EPHA1: variants seen among roughly 807,000 people sequenced by gnomAD.
The protein encoded by EPHA1 is EPH receptor A1, also known as ephrin type-A receptor 1.
In EPHA1, 92 loss-of-function variants were observed where a neutral mutation model predicts 110.1. The observed-to-expected ratio is 0.84, with a 90% CI of 0.71 to 0.99. The LOEUF (loss-of-function observed/expected upper bound fraction) is 0.99, where lower values mean the gene tolerates loss of function less well. EPHA1 is among the 50% of genes least tolerant of loss of function. The probability of loss-of-function intolerance (pLI) is 0.00; values close to 1 mark genes in which losing one functional copy is unlikely to be tolerated. For missense variants in EPHA1, 1,204 were observed against 1,285.4 expected (o/e 0.94, Z 0.97); for synonymous variants, 500 against 516.1 (o/e 0.97, Z 0.42).
chr7:143,402,771 C>G (rs969656020), intron 2 of EPHA1, among the ~76,000 whole-genome samples: 2 of 152,176 alleles, frequency 1.3e-5, no homozygotes, highest in African/African-American at 4.8e-5. Context: ...CTATGAGAGG[C>G]AGAGCTGGGA....
At chr7:143,396,003 C>G (rs1805234239) in intron 11 of EPHA1, among the ~76,000 whole-genome samples, 1 of 152,228 alleles carries the variant, frequency 6.6e-6, no homozygotes, top group Non-Finnish European at 1.5e-5. Flanking sequence ...GACACTGGGC[C>G]TCTGATGGGG....
chr7:143,391,455 G>C lies in EPHA1; in HGVS notation c.*2C>G. 1 of 1,614,064 alleles carries C rather than the reference G, an allele frequency of 6.2e-7. No homozygotes were observed. The highest frequency in any genetic ancestry group is 1.1e-5 in the South Asian group (1 of 91,052). ...TGATTGGGCATGGGGTGAGAGGAGG[G>C]ATCAGTCCTTGAATCCCTGAATACT... is the stretch of plus-strand genomic sequence containing the variant. On this transcript the variant is annotated 3_prime_UTR_variant, in exon 18 of 18. Coordinates refer to ENST00000275815, the MANE Select transcript of EPHA1 (RefSeq NM_005232.5).
chr7:143,396,365 C>A lies in EPHA1; in HGVS notation c.1897+20G>T. 6.2e-7 allele frequency: 1 copy of A among 1,606,592 alleles called. No homozygotes were observed. The highest frequency in any genetic ancestry group is 1.1e-5 in the South Asian group (1 of 90,404). On this transcript the variant is annotated intron_variant, in intron 11 of 17. Transcript: ENST00000275815. ...GCCCCACATGGCGGGGGGCCTGCTG[C>A]GGTGCACAGCAGGACTCACCTTCTC...
rs144736263 is a variant in EPHA1, at chr7:143,398,855, C to T, written c.1082G>A (p.Arg361His). The change falls in exon 6 of 18, where the codon CGC (arginine) becomes CAC (histidine). Residue 361 changes from arginine to histidine, a missense_variant. By Grantham distance (29) the Arg-to-His change is conservative. Coordinates refer to ENST00000275815, the MANE Select transcript of EPHA1 (RefSeq NM_005232.5). ...RWEPPADTGG[R>H]QDVRYSVRCS... The stretch of plus-strand genomic sequence containing the variant: ...CCTCACACTGTATCTGACATCCTGG[C>T]GTCCCCCCGTATCTGCTGGGGGTTC... 10 of 1,613,236 alleles carry T rather than the reference C, an allele frequency of 6.2e-6. No individual in the cohort carries two copies. The highest frequency in any genetic ancestry group is 4.0e-5 in the African/African-American group (3 of 74,918).
At chr7:143,397,461 AG>A in intron 9 of EPHA1, 99 bp from the exon 10 acceptor site, 1 of 1,586,966 alleles carries the variant, frequency 6.3e-7, no homozygotes, top group Non-Finnish European at 8.6e-7. Context: ...CTGGGAGTGC[AG>A]GATGGGTTTT....
chr7:143,407,113 T>C (rs1369597726), intron 2 of EPHA1, among the ~76,000 whole-genome samples: 3 of 152,138 alleles, frequency 2.0e-5, no homozygotes, highest in Non-Finnish European at 4.4e-5. Flanking sequence ...AAGCTTTGGC[T>C]GGTCTCTCCA....
chr7:143,404,980 C>CA (rs11331186), intron 2 of EPHA1, among the ~76,000 whole-genome samples: 41,473 of 146,948 alleles, frequency 0.28, 6,686 homozygotes, highest in Middle Eastern at 0.38. Context: ...TGGGAAAAGG[C>CA]AAAAAAAAAA....
At chr7:143,399,172 G>A in intron 5 of EPHA1, 86 bp downstream of exon 5, 2 of 1,520,992 alleles carry the variant, frequency 1.3e-6, no homozygotes, top group Non-Finnish European at 1.8e-6. Flanking sequence ...TATCTGACAA[G>A]CTCTGGAAAA....
chr7:143,392,013 C>T (rs1226298386), intron 16 of EPHA1, among the ~76,000 whole-genome samples: 1 of 152,184 alleles, frequency 6.6e-6, no homozygotes, highest in Non-Finnish European at 1.5e-5. Context: ...AAGGGACTGT[C>T]CTGGGAAGCC....
At position 143,397,986 on chromosome 7, in the gene EPHA1, G is replaced by A; in HGVS notation, c.1549C>T (p.Arg517Ter). 6.8e-6 allele frequency: 11 copies of A among 1,614,132 alleles called. No homozygotes were observed. Among genetic ancestry groups the A allele is most frequent in the South Asian group, 1.1e-5 (1 of 91,078 alleles). The change falls in exon 8 of 18, where the codon CGA becomes TGA. Residue 517 changes from arginine to a stop codon, truncating the protein, a stop_gained. Coordinates refer to ENST00000275815, the MANE Select transcript of EPHA1 (RefSeq NM_005232.5). LOFTEE classifies it high-confidence loss of function. Reference sequence around the variant, plus strand: ...CCAGGACCCAGTGGGGTCAGCATTCGGACTCTGACGATGTATGTGGTGTCA... The same window carrying A: ...CCAGGACCCAGTGGGGTCAGCATTCAGACTCTGACGATGTATGTGGTGTCA... ...QPDTTYIVRVRMLTPLGPGPF... is the reference protein window; with the variant it reads ...QPDTTYIVRV
At chr7:143,397,857 G>A (rs754480002) in intron 8 of EPHA1, 63 bp downstream of exon 8, 4 of 1,591,634 alleles carry the variant, frequency 2.5e-6, no homozygotes, top group South Asian at 2.2e-5. Context: ...TGGAACAGGA[G>A]CTGAGTTGCC....
chr7:143,396,843 C>T (rs992342765), intron 10 of EPHA1, among the ~76,000 whole-genome samples: 2 of 152,150 alleles, frequency 1.3e-5, no homozygotes, highest in Non-Finnish European at 2.9e-5. Context: ...GTTCACATTC[C>T]CAGACAGAGC....
At position 143,391,393 on chromosome 7, in the gene EPHA1, A is replaced by G; in HGVS notation, c.*64T>C. On this transcript the variant is annotated 3_prime_UTR_variant, in exon 18 of 18. Transcript: ENST00000275815. ...GTGGGAAGGGGCGCAGGGAGTGACC[A>G]TGAGCGACCTTGGCCCCGTCCTTGC... 1 of 1,591,118 alleles carries G rather than the reference A, an allele frequency of 6.3e-7. No homozygotes were observed. Among genetic ancestry groups the G allele is most frequent in the Non-Finnish European group, 8.6e-7 (1 of 1,165,846 alleles).
At position 143,401,504 on chromosome 7, in the gene EPHA1, A is replaced by G. The variant is rs961514735; in HGVS notation, c.252T>C (p.Asn84=). ...RRDTDHWLRS[N]WIYRGEEASR... ...AAGCCTCCTCCCCGCGGTAGATCCA[A>G]TTGGAGCGAAGCCAGTGGTCAGTGT... The change falls in exon 3 of 18, where the codon AAT becomes AAC. Residue 84 remains asparagine, a synonymous_variant. Coordinates refer to ENST00000275815, the MANE Select transcript of EPHA1 (RefSeq NM_005232.5). This position sits in a 1 kb window ranked among gnomAD's most constrained non-coding sequence, Gnocchi z 4.1. 2 of 1,614,088 alleles carry G rather than the reference A, an allele frequency of 1.2e-6. No individual in the cohort carries two copies. Among genetic ancestry groups the G allele is most frequent in the Non-Finnish European group, 1.7e-6 (2 of 1,180,030 alleles).
chr7:143,396,359 C>T, intron 11 of EPHA1, 26 bp downstream of exon 11: 3 of 1,605,630 alleles, frequency 1.9e-6, no homozygotes, highest in Non-Finnish European at 2.5e-6. Flanking sequence ...GGCGGGGGGC[C>T]TGCTGCGGTG....
chr7:143,399,034 A>C (rs1321442907), intron 5 of EPHA1, 89 bp from the exon 6 acceptor site: 2 of 1,319,766 alleles, frequency 1.5e-6, no homozygotes, highest in Non-Finnish European at 2.1e-6. Context: ...CCAATTCTCG[A>C]TGTCCTCTGA....
intron 1 of EPHA1, among the ~76,000 whole-genome samples, chr7:143,408,274 C>A (rs1679476132): frequency 6.6e-6 from 1 of 152,148 alleles, no homozygotes; most frequent in African/African-American, 2.4e-5. Flanking sequence ...ACTGGGAACC[C>A]CTGTGGCGTC....
intron 2 of EPHA1, among the ~76,000 whole-genome samples, chr7:143,404,071 T>C (rs1168579921): frequency 6.6e-6 from 1 of 152,192 alleles, no homozygotes; most frequent in Non-Finnish European, 1.5e-5. Flanking sequence ...CCCTTCATGA[T>C]TTCTGGGTTG....
At chr7:143,397,701 G>A (rs779732304) in intron 8 of EPHA1, 44 bp from the exon 9 acceptor site, 18 of 1,606,554 alleles carry the variant, frequency 1.1e-5, no homozygotes, top group Middle Eastern at 1.6e-4. Context: ...CTCACAGTCC[G>A]TAGGAATGAG....
Sources: gnomAD v4.1 joint callset for allele counts (sites outside exome capture counted in the v4.1 genomes callset) on GRCh38, gnomAD v4.1.1 for gene constraint, Gnocchi (gnomAD v3.1) non-coding constraint, MANE v1.5 for transcripts, NCBI Gene and HGNC (gene_info 2026-07-23, HGNC 2026-07-21) for gene names.